The following BLTP1 variants were observed in gnomAD, a reference collection of about 807,000 sequenced individuals.
BLTP1 encodes the protein fragile site-associated protein.
chr4:122,322,846 G>A, the BLTP1 span, among the ~76,000 whole-genome samples: 4 of 152,104 alleles, frequency 2.6e-5, no homozygotes, highest in Non-Finnish European at 5.9e-5. Context: ...GCTCTGGTTA[G>A]CTAATTTCTC....
At chr4:122,226,381 T>G in the BLTP1 span, 1 of 1,017,876 alleles carries the variant, frequency 9.8e-7, no homozygotes, top group Non-Finnish European at 1.2e-6. Flanking sequence ...TATGTGGAGA[T>G]TTCAGTTAGC....
chr4:122,336,593 A>ATT, the BLTP1 span: 951,459 of 954,632 alleles, frequency 1, 474,229 homozygotes, highest in South Asian at 1. Context: ...CAAAATTAAC[A>ATT]TAAGTTCTAC....
chr4:122,348,111 A>C, the BLTP1 span, among the ~76,000 whole-genome samples: 1 of 152,190 alleles, frequency 6.6e-6, no homozygotes, highest in East Asian at 1.9e-4. Context: ...AAAGATTAAA[A>C]TATAATGAGC....
the BLTP1 span, among the ~76,000 whole-genome samples, chr4:122,212,688 A>G: frequency 2.6e-5 from 4 of 152,184 alleles, no homozygotes; most frequent in Non-Finnish European, 5.9e-5. Flanking sequence ...ATACAGTGAA[A>G]TAAATATATG....
At chr4:122,255,908 G>A in the BLTP1 span, 1 of 209,670 alleles carries the variant, frequency 4.8e-6, no homozygotes, top group Non-Finnish European at 8.3e-6. Context: ...AAAGAGTGAT[G>A]TCTTGGAAGC....
At chr4:122,294,534 G>A in the BLTP1 span, among the ~76,000 whole-genome samples, 28 of 152,196 alleles carry the variant, frequency 1.8e-4, no homozygotes, top group Middle Eastern at 6.8e-3. Flanking sequence ...CAGAAGAGTG[G>A]CCCCACTGTA....
the BLTP1 span, chr4:122,267,687 A>G: frequency 5.8e-5 from 48 of 826,024 alleles, no homozygotes; most frequent in East Asian, 4.4e-3. Flanking sequence ...GTAGCATGGT[A>G]AAAGTTAAGA....
chr4:122,300,684 T>G, the BLTP1 span, among the ~76,000 whole-genome samples: 2 of 152,226 alleles, frequency 1.3e-5, 1 homozygote, highest in South Asian at 4.1e-4. Context: ...TTCTTAGTTA[T>G]TTTGATAATA....
the BLTP1 span, chr4:122,306,826 T>C: frequency 6.9e-6 from 2 of 289,618 alleles, no homozygotes; most frequent in Non-Finnish European, 1.0e-5. Context: ...TTAGAAGTAA[T>C]GAGGAGCCAT....
At chr4:122,205,899 T>C in the BLTP1 span, 1 of 978,142 alleles carries the variant, frequency 1.0e-6, no homozygotes, top group Non-Finnish European at 1.2e-6. Flanking sequence ...AGGAGCCCTT[T>C]TATTGAAAGA....
At chr4:122,354,007 A>G in the BLTP1 span, 1 of 1,613,366 alleles carries the variant, frequency 6.2e-7, no homozygotes. Flanking sequence ...TTACAGCTAC[A>G]AGGAATGAAG....
At chr4:122,184,757 C>T in the BLTP1 span, 6 of 984,796 alleles carry the variant, frequency 6.1e-6, no homozygotes, top group African/African-American at 3.5e-5. Context: ...AGCATACTGC[C>T]TTTCTAAGCC....
the BLTP1 span, chr4:122,225,271 T>A: frequency 6.5e-6 from 1 of 154,840 alleles, no homozygotes; most frequent in Non-Finnish European, 1.4e-5. Context: ...TCCTTTTGGA[T>A]AAATTGTCCC....
chr4:122,190,055 A>T, the BLTP1 span: 1 of 1,613,498 alleles, frequency 6.2e-7, no homozygotes, highest in Admixed American at 1.7e-5. Context: ...TGATGTTGAC[A>T]TCTACTACTA....
At chr4:122,224,669 G>A in the BLTP1 span, 1 of 1,614,004 alleles carries the variant, frequency 6.2e-7, no homozygotes, top group Non-Finnish European at 8.5e-7. Context: ...TAAGGTCACA[G>A]CACCACAGGT....
the BLTP1 span, chr4:122,229,944 G>C: frequency 6.2e-7 from 1 of 1,611,920 alleles, no homozygotes; most frequent in Non-Finnish European, 8.5e-7. Context: ...GGTGCAATTC[G>C]AGTTGCAAAC....
At chr4:122,302,426 C>G in the BLTP1 span, among the ~76,000 whole-genome samples, 1 of 152,172 alleles carries the variant, frequency 6.6e-6, no homozygotes, top group African/African-American at 2.4e-5. Flanking sequence ...CTAATTCTCA[C>G]AATATTTCAA....
At chr4:122,236,783 A>G in the BLTP1 span, 3 of 974,618 alleles carry the variant, frequency 3.1e-6, no homozygotes, top group African/African-American at 5.3e-5. Context: ...ATAATGTGTA[A>G]TAGGAAGTGT....
At chr4:122,334,378 C>A in the BLTP1 span, 1 of 1,608,130 alleles carries the variant, frequency 6.2e-7, no homozygotes, top group Non-Finnish European at 8.5e-7. Context: ...AAGACTGAAT[C>A]ACCTAATGCC....
Sources: gnomAD v4.1 joint callset for allele counts (sites outside exome capture counted in the v4.1 genomes callset) on GRCh38, gnomAD v4.1.1 for gene constraint, MANE v1.5 for transcripts, NCBI Gene and HGNC (gene_info 2026-07-23, HGNC 2026-07-21) for gene names.